Variants in AKT3 observed in about 807,000 individuals in gnomAD.
AKT3 encodes RAC-gamma serine/threonine-protein kinase.
Under a neutral mutation model 65.3 loss-of-function variants are expected in AKT3, and 15 were observed. The observed-to-expected ratio is 0.23, with a 90% CI of 0.15 to 0.35. AKT3 has a LOEUF of 0.35. Ranked by LOEUF, AKT3 falls within the 10% of genes least tolerant of loss-of-function variation. The probability of loss-of-function intolerance (pLI) is 1.00; values close to 1 mark genes in which losing one functional copy is unlikely to be tolerated. For missense variants in AKT3, 243 were observed against 576.5 expected (o/e 0.42, Z 5.92); for synonymous variants, 206 against 183.8 (o/e 1.12, Z -0.98).
intron 8 of AKT3, among the ~76,000 whole-genome samples, chr1:243,578,301 T>C (rs552807863): frequency 6.6e-6 from 1 of 152,162 alleles, no homozygotes; most frequent in African/African-American, 2.4e-5. Flanking sequence ...CCATCAATGA[T>C]AGATGGATAA....
rs985841253 is a variant in AKT3, at chr1:243,774,159, T to C, written c.46+68966A>G. 1.1e-4 allele frequency among the ~76,000 whole-genome samples: 16 copies of C among 152,348 alleles called. 1 individual carries two copies. Among genetic ancestry groups the C allele is most frequent in the Admixed American group, 7.2e-4 (11 of 15,308 alleles). On this transcript the variant is annotated intron_variant, in intron 2 of 13. Transcript: ENST00000673466. ...ACAGAATAAGCTCTACATAAATTCATTGAAAATTCATAAATTCATTAGTAA... is the reference window on the plus strand; with the variant it reads ...ACAGAATAAGCTCTACATAAATTCACTGAAAATTCATAAATTCATTAGTAA...
At chr1:243,675,901 T>G (rs1281068142) in intron 3 of AKT3, among the ~76,000 whole-genome samples, 1 of 152,172 alleles carries the variant, frequency 6.6e-6, no homozygotes, top group Non-Finnish European at 1.5e-5. Flanking sequence ...TCTGTTATGC[T>G]TTTATTTTTG....
chr1:243,848,164 A>AG (rs1695597112), intron 1 of AKT3, among the ~76,000 whole-genome samples: 1 of 152,204 alleles, frequency 6.6e-6, no homozygotes, highest in African/African-American at 2.4e-5. Flanking sequence ...TGGAACCTCA[A>AG]GCCAATCAAA....
intron 10 of AKT3, among the ~76,000 whole-genome samples, chr1:243,554,288 T>C (rs983721607): frequency 5.3e-5 from 8 of 152,184 alleles, no homozygotes; most frequent in African/African-American, 1.4e-4. Flanking sequence ...TTCAATTATA[T>C]CAATGTTTGT....
intron 2 of AKT3, among the ~76,000 whole-genome samples, chr1:243,824,678 G>T (rs1694060679): frequency 6.6e-6 from 1 of 151,750 alleles, no homozygotes; most frequent in South Asian, 2.1e-4. Context: ...GATCATTCAA[G>T]AAATTCAAAT....
At chr1:243,736,067 C>T (rs1687827079) in intron 2 of AKT3, among the ~76,000 whole-genome samples, 4 of 152,038 alleles carry the variant, frequency 2.6e-5, no homozygotes, top group Non-Finnish European at 5.9e-5. Flanking sequence ...AATGCAAGTG[C>T]TAGACAGAAA....
At position 243,833,176 on chromosome 1, in the gene AKT3, T is replaced by C. The variant is rs75954992; in HGVS notation, c.46+9949A>G. 3.2e-4 allele frequency among the ~76,000 whole-genome samples: 49 copies of C among 152,100 alleles called. No individual in the cohort carries two copies. In the East Asian group the frequency reaches 9.5e-3, roughly 29 times the overall value. On this transcript the variant is annotated intron_variant, in intron 2 of 13. Transcript: ENST00000673466. The stretch of plus-strand genomic sequence containing the variant: ...CTGAGGCAGGAGAATTGTTTGTACC[T>C]GAAAGGCAAAGGTGGCAGTGAGCCA...
intron 3 of AKT3, among the ~76,000 whole-genome samples, chr1:243,666,730 C>G (rs1682807374): frequency 6.6e-6 from 1 of 152,180 alleles, no homozygotes; most frequent in African/African-American, 2.4e-5. Context: ...ATTTAATACA[C>G]CTAGACTACC....
intron 6 of AKT3, 45 bp from the exon 7 acceptor site, chr1:243,615,206 TGATAATAATA>T: frequency 7.3e-7 from 1 of 1,376,398 alleles, no homozygotes; most frequent in African/African-American, 1.4e-5. Context: ...TTTTGAGCAC[TGATAATAATA>T]ATTTCACTAT....
In AKT3 at chr1:243,790,233, G is replaced by A. The variant is rs1691531247; in HGVS notation, c.46+52892C>T. On this transcript the variant is annotated intron_variant, in intron 2 of 13. Transcript: ENST00000673466. ...CATCTTCTTCACCAAATAGAAGAGT[G>A]TTTTGTCTACACTGAAAATCTATTG... Among the ~76,000 whole-genome samples, 3 of 152,172 alleles carry A rather than the reference G, an allele frequency of 2.0e-5. No homozygotes were observed. In the South Asian group the frequency reaches 6.2e-4, roughly 32 times the overall value.
At chr1:243,625,162 C>T (rs1193665331) in intron 6 of AKT3, 2 of 131,316 alleles carry the variant, frequency 1.5e-5, no homozygotes, top group South Asian at 2.1e-4. Flanking sequence ...GAGGGAGTCT[C>T]GCTGTGTCTC....
intron 3 of AKT3, among the ~76,000 whole-genome samples, chr1:243,688,302 A>G (rs1309477788): frequency 6.6e-6 from 1 of 152,114 alleles, no homozygotes; most frequent in Non-Finnish European, 1.5e-5. Context: ...AATGTATAGA[A>G]CATTAAAGAG....
At chr1:243,750,816 CG>C (rs1477859472) in intron 2 of AKT3, among the ~76,000 whole-genome samples, 1 of 151,818 alleles carries the variant, frequency 6.6e-6, no homozygotes, top group East Asian at 1.9e-4. Context: ...TCCTGACCTC[CG>C]GTGATCTGCC....
intron 13 of AKT3, among the ~76,000 whole-genome samples, chr1:243,494,628 C>T (rs1225541414): frequency 6.6e-6 from 1 of 152,238 alleles, no homozygotes; most frequent in African/African-American, 2.4e-5. Flanking sequence ...GCCAGACTTG[C>T]TCTTCCGTTA....
At chr1:243,562,824 C>A (rs1455101245) in intron 10 of AKT3, among the ~76,000 whole-genome samples, 13 of 152,140 alleles carry the variant, frequency 8.5e-5, no homozygotes, top group Admixed American at 8.5e-4. Flanking sequence ...CAAGCTGAGA[C>A]CTCATACATA....
intron 4 of AKT3, among the ~76,000 whole-genome samples, chr1:243,649,623 C>T (rs1681148471): frequency 6.6e-6 from 1 of 151,944 alleles, no homozygotes; most frequent in South Asian, 2.1e-4. Context: ...TCCATGTGTT[C>T]TCATTGTTCA....
intron 2 of AKT3, among the ~76,000 whole-genome samples, chr1:243,717,155 T>A (rs886926899): frequency 6.6e-6 from 1 of 152,180 alleles, no homozygotes; most frequent in African/African-American, 2.4e-5. Context: ...TGCTACCTCT[T>A]CCAGGCAATG....
intron 8 of AKT3, among the ~76,000 whole-genome samples, chr1:243,598,316 A>G (rs552725189): frequency 7.2e-5 from 11 of 152,322 alleles, no homozygotes; most frequent in Admixed American, 2.0e-4. Flanking sequence ...TTCAAAAAGG[A>G]AAGTGAATTA....
intron 8 of AKT3, among the ~76,000 whole-genome samples, chr1:243,575,185 T>C (rs1674851315): frequency 6.6e-6 from 1 of 152,194 alleles, no homozygotes; most frequent in African/African-American, 2.4e-5. Flanking sequence ...CATCACCTAC[T>C]GCCCTCTTTC....
Sources: allele counts gnomAD v4.1 joint callset (sites outside exome capture counted in the v4.1 genomes callset), GRCh38; gene constraint gnomAD v4.1.1; transcripts MANE v1.5; gene names NCBI Gene and HGNC (gene_info 2026-07-23, HGNC 2026-07-21).